The following LYRM2 variants were observed in gnomAD, a reference collection of about 807,000 sequenced individuals.
LYRM2 encodes LYR motif-containing protein 2.
A neutral mutation model predicts 11.6 loss-of-function variants in LYRM2; 8 were observed. That is an observed-to-expected ratio of 0.69 (90% CI 0.40 to 1.24). The LOEUF (loss-of-function observed/expected upper bound fraction) is 1.24, where lower values mean the gene tolerates loss of function less well. Ranked by LOEUF, LYRM2 falls within the 50% of genes most tolerant of loss-of-function variation. The pLI is 0.01. For synonymous variants in LYRM2, 30 were observed against 36.4 expected (o/e 0.83, Z 0.63); for missense variants, 117 against 102.9 (o/e 1.14, Z -0.59).
chr6:89,636,680 G>GCTTTTTTTTTTTTTTTTTTTT lies in LYRM2; in HGVS notation c.*592_*593insAAAAAAAAAAAAAAAAAAAAG, dbSNP rs1275271207. 3 of 129,504 alleles carry GCTTTTTTTTTTTTTTTTTTTT rather than the reference G, an allele frequency of 2.3e-5. No individual in the cohort carries two copies. Among genetic ancestry groups the GCTTTTTTTTTTTTTTTTTTTT allele is most frequent in the Non-Finnish European group, 1.6e-5 (1 of 60,952 alleles). 8.0% of individuals were successfully genotyped at this position (129,504 alleles called of 1,614,324 possible). A position where few individuals can be genotyped will look rare whatever the true frequency, so the allele number is the denominator to read the frequency against. On this transcript the variant is annotated 3_prime_UTR_variant, in exon 3 of 3. Transcript: ENST00000523377. ...TCTAGTGAATGTGAATCTCAGGGTT[G>GCTTTTTTTTTTTTTTTTTTTT]TTTTTTTTTTTTTTTTTTAGAGACT...
rs1807919408 is a variant in LYRM2, at chr6:89,634,430, A to G, written c.*2843T>C. The G allele has an allele frequency of 6.6e-6, 1 of 152,068 alleles. No individual in the cohort carries two copies. The highest frequency in any genetic ancestry group is 1.5e-5 in the Non-Finnish European group (1 of 67,990). The allele number at this position is 152,068 out of a possible 1,614,324, so 9.4% of individuals were successfully genotyped here. A position where few individuals can be genotyped will look rare whatever the true frequency, so the allele number is the denominator to read the frequency against. On this transcript the variant is annotated 3_prime_UTR_variant, in exon 3 of 3. Coordinates refer to ENST00000523377, the MANE Select transcript of LYRM2 (RefSeq NM_020466.5). ...ATGAGGTAAGACTGTCTCTTTAAAA[A>G]AAAAAACAACTCACACCTGTAATCC...
rs1240871918 is a variant in LYRM2 at position 89,635,274 on chromosome 6, A to G, written c.*1999T>C. 6.6e-6 allele frequency: 1 copy of G among 152,228 alleles called. No homozygotes were observed. Among genetic ancestry groups the G allele is most frequent in the Admixed American group, 6.5e-5 (1 of 15,290 alleles). 9.4% of individuals were successfully genotyped at this position (152,228 alleles called of 1,614,324 possible). A position where few individuals can be genotyped will look rare whatever the true frequency, so the allele number is the denominator to read the frequency against. The stretch of plus-strand genomic sequence containing the variant: ...AGCATGTATCTATCAATCATGTCAC[A>G]CAAAAAATATTTCCAAAGTGTTCTC... On this transcript the variant is annotated 3_prime_UTR_variant, in exon 3 of 3. Coordinates refer to ENST00000523377, the MANE Select transcript of LYRM2 (RefSeq NM_020466.5).
At chr6:89,637,495 A>G (rs1354715798) in intron 2 of LYRM2, 142 bp from the exon 3 acceptor site, 2 of 647,428 alleles carry the variant, frequency 3.1e-6, no homozygotes, top group East Asian at 2.8e-5. Context: ...TTCCACATAC[A>G]TACATATAAA....
Position 89,632,932 on chromosome 6 carries a change from A to G in LYRM2, c.*4341T>C, listed in dbSNP as rs1807691141. 6.6e-6 allele frequency: 1 copy of G among 152,194 alleles called. No individual in the cohort carries two copies. Among genetic ancestry groups the G allele is most frequent in the Non-Finnish European group, 1.5e-5 (1 of 68,034 alleles). The allele number at this position is 152,194 out of a possible 1,614,324, so 9.4% of individuals were successfully genotyped here. ...TTCAGTAGGCTGTGTTCCAAGCAGG[A>G]ATTATTTTCACTTACCAAAATATCT... is the stretch of plus-strand genomic sequence containing the variant. On this transcript the variant is annotated 3_prime_UTR_variant, in exon 3 of 3. Coordinates refer to ENST00000523377, the MANE Select transcript of LYRM2 (RefSeq NM_020466.5).
intron 1 of LYRM2, 104 bp downstream of exon 1, chr6:89,638,568 G>A (rs1808087287): frequency 6.3e-7 from 1 of 1,594,384 alleles, no homozygotes; most frequent in African/African-American, 1.3e-5. Context: ...GGGCGCGCAC[G>A]CCGCATCAGG....
Position 89,633,792 on chromosome 6 carries a change from C to T in LYRM2, c.*3481G>A, listed in dbSNP as rs1177508655. 1 of 152,130 alleles carries T rather than the reference C, an allele frequency of 6.6e-6. No individual in the cohort carries two copies. Among genetic ancestry groups the T allele is most frequent in the Non-Finnish European group, 1.5e-5 (1 of 68,028 alleles). The allele number at this position is 152,130 out of a possible 1,614,324, so 9.4% of individuals were successfully genotyped here. On this transcript the variant is annotated 3_prime_UTR_variant, in exon 3 of 3. Transcript: ENST00000523377. The stretch of plus-strand genomic sequence containing the variant: ...GTGTCTCTTCCAAGCATTAAAGATA[C>T]TATGGATCTTAAATTCCTTATTAAA...
Position 89,633,986 on chromosome 6 carries a change from C to T in LYRM2, c.*3287G>A, listed in dbSNP as rs1392154232. On this transcript the variant is annotated 3_prime_UTR_variant, in exon 3 of 3. Coordinates refer to ENST00000523377, the MANE Select transcript of LYRM2 (RefSeq NM_020466.5). ...AAAGTCGCGATCAGGTGCTCTCCAC[C>T]AAAAGCAAAACAAAACTGCTGAAAT... 2 of 152,286 alleles carry T rather than the reference C, an allele frequency of 1.3e-5. No homozygotes were observed. Among genetic ancestry groups the T allele is most frequent in the Non-Finnish European group, 2.9e-5 (2 of 68,030 alleles). The allele number at this position is 152,286 out of a possible 1,614,324, so 9.4% of individuals were successfully genotyped here.
Position 89,635,366 on chromosome 6 carries a change from C to G in LYRM2, c.*1907G>C, listed in dbSNP as rs998052598. The G allele has an allele frequency of 1.9e-4, 29 of 152,236 alleles. No homozygotes were observed. Among genetic ancestry groups the G allele is most frequent in the African/African-American group, 7.0e-4 (29 of 41,458 alleles). The allele number at this position is 152,236 out of a possible 1,614,324, so 9.4% of individuals were successfully genotyped here. A position where few individuals can be genotyped will look rare whatever the true frequency, so the allele number is the denominator to read the frequency against. On this transcript the variant is annotated 3_prime_UTR_variant, in exon 3 of 3. Transcript: ENST00000523377. ...TTGCAACAGGTTAACTAATACTTAT[C>G]TACATAAAAACCTGAAAATTGGCAC... is the stretch of plus-strand genomic sequence containing the variant.
chr6:89,637,460 C>T, intron 2 of LYRM2, 107 bp from the exon 3 acceptor site: 1 of 737,270 alleles, frequency 1.4e-6, no homozygotes, highest in South Asian at 1.9e-5. Context: ...ATTGGAACTG[C>T]TGCCTTTTAG....
At position 89,636,680 on chromosome 6, in the gene LYRM2, GTTTTTT is replaced by G. The variant is rs917848406; in HGVS notation, c.*587_*592del. On this transcript the variant is annotated 3_prime_UTR_variant, in exon 3 of 3. Coordinates refer to ENST00000523377, the MANE Select transcript of LYRM2 (RefSeq NM_020466.5). The stretch of plus-strand genomic sequence containing the variant: ...TCTAGTGAATGTGAATCTCAGGGTT[GTTTTTT>G]TTTTTTTTTTTTAGAGACTGTCTCA... 7.7e-6 allele frequency: 1 copy of G among 129,504 alleles called. No individual in the cohort carries two copies. The highest frequency in any genetic ancestry group is 7.8e-5 in the Admixed American group (1 of 12,874). The allele number at this position is 129,504 out of a possible 1,614,324, so 8.0% of individuals were successfully genotyped here.
rs918808549 is a variant in LYRM2, at chr6:89,632,972, G to A, written c.*4301C>T. 1 of 152,188 alleles carries A rather than the reference G, an allele frequency of 6.6e-6. No homozygotes were observed. The highest frequency in any genetic ancestry group is 2.4e-5 in the African/African-American group (1 of 41,430). 9.4% of individuals were successfully genotyped at this position (152,188 alleles called of 1,614,324 possible). A position where few individuals can be genotyped will look rare whatever the true frequency, so the allele number is the denominator to read the frequency against. ...CCAAAATATCTCCTATTACCTCAAG[G>A]TATCCTTGTTGAGGAATGCTGAAAA... On this transcript the variant is annotated 3_prime_UTR_variant, in exon 3 of 3. Transcript: ENST00000523377.
chr6:89,638,509 G>A, intron 1 of LYRM2, 163 bp downstream of exon 1: 4 of 1,535,344 alleles, frequency 2.6e-6, no homozygotes, highest in Middle Eastern at 1.8e-4. Context: ...CCTCCCGTCA[G>A]GCCCCGCGGA....
chr6:89,638,000 C>A, intron 1 of LYRM2, 118 bp from the exon 2 acceptor site: 3 of 1,117,678 alleles, frequency 2.7e-6, no homozygotes, highest in South Asian at 1.7e-5. Flanking sequence ...TTGAAAAAGG[C>A]AAAGAAAAAC....
rs550542844 is a variant in LYRM2 at position 89,635,978 on chromosome 6, C to T, written c.*1295G>A. The T allele has an allele frequency of 6.0e-4, 102 of 170,276 alleles. No homozygotes were observed. Among genetic ancestry groups the T allele is most frequent in the Middle Eastern group, 1.2e-3 (2 of 1,654 alleles). The allele number at this position is 170,276 out of a possible 1,614,324, so 10.5% of individuals were successfully genotyped here. On this transcript the variant is annotated 3_prime_UTR_variant, in exon 3 of 3. Transcript: ENST00000523377. Reference sequence around the variant, plus strand: ...TCCCTTTTCAACAAAGATCTAGATTCCCAGTGGTGATCTTTTTGATGAGTT... The same window carrying T: ...TCCCTTTTCAACAAAGATCTAGATTTCCAGTGGTGATCTTTTTGATGAGTT...
rs1461734026 is a variant in LYRM2, at chr6:89,633,599, T to C, written c.*3674A>G. ...AAGAAATTGTTAGTGCATTATTGAG[T>C]ATACTAAATATCTGTGATTAAATAA... On this transcript the variant is annotated 3_prime_UTR_variant, in exon 3 of 3. Transcript: ENST00000523377. The C allele has an allele frequency of 1.3e-5, 2 of 152,228 alleles. No homozygotes were observed. Among genetic ancestry groups the C allele is most frequent in the Non-Finnish European group, 2.9e-5 (2 of 68,044 alleles). 9.4% of individuals were successfully genotyped at this position (152,228 alleles called of 1,614,324 possible). A position where few individuals can be genotyped will look rare whatever the true frequency, so the allele number is the denominator to read the frequency against.
chr6:89,633,799 T>C lies in LYRM2; in HGVS notation c.*3474A>G, dbSNP rs1807858032. On this transcript the variant is annotated 3_prime_UTR_variant, in exon 3 of 3. Transcript: ENST00000523377. ...TTCCAAGCATTAAAGATACTATGGATCTTAAATTCCTTATTAAAAAAATGC... is the reference window on the plus strand; with the variant it reads ...TTCCAAGCATTAAAGATACTATGGACCTTAAATTCCTTATTAAAAAAATGC... 1 of 152,244 alleles carries C rather than the reference T, an allele frequency of 6.6e-6. No individual in the cohort carries two copies. Among genetic ancestry groups the C allele is most frequent in the Non-Finnish European group, 1.5e-5 (1 of 68,048 alleles). The allele number at this position is 152,244 out of a possible 1,614,324, so 9.4% of individuals were successfully genotyped here.
rs1025291757 is a variant in LYRM2, at chr6:89,633,714, T to C, written c.*3559A>G. Reference sequence around the variant, plus strand: ...TTGTTTGTGGAGTCAAGTGTTGATATACTTGAGGCATGTTATGTGTCTTCT... The same window carrying C: ...TTGTTTGTGGAGTCAAGTGTTGATACACTTGAGGCATGTTATGTGTCTTCT... On this transcript the variant is annotated 3_prime_UTR_variant, in exon 3 of 3. Transcript: ENST00000523377. 1 of 152,266 alleles carries C rather than the reference T, an allele frequency of 6.6e-6. No individual in the cohort carries two copies. Among genetic ancestry groups the C allele is most frequent in the Non-Finnish European group, 1.5e-5 (1 of 68,044 alleles). 9.4% of individuals were successfully genotyped at this position (152,266 alleles called of 1,614,324 possible).
rs1268995827 is a variant in LYRM2, at chr6:89,633,900, A to C, written c.*3373T>G. 6.6e-6 allele frequency: 1 copy of C among 152,216 alleles called. No homozygotes were observed. The highest frequency in any genetic ancestry group is 1.9e-4 in the East Asian group (1 of 5,198). 9.4% of individuals were successfully genotyped at this position (152,216 alleles called of 1,614,324 possible). A position where few individuals can be genotyped will look rare whatever the true frequency, so the allele number is the denominator to read the frequency against. ...CATTTTATGGCTCCTGAGTGCCTTC[A>C]CCCAGCTACACTTTACCTTGTATCT... On this transcript the variant is annotated 3_prime_UTR_variant, in exon 3 of 3. Transcript: ENST00000523377.
rs539101570 is a variant in LYRM2, at chr6:89,633,211, G to C, written c.*4062C>G. The stretch of plus-strand genomic sequence containing the variant: ...CTCTTGGAGGTCTGTCGTAGAAGAA[G>C]AAACAAATAGAGGTGATGAAGACAC... On this transcript the variant is annotated 3_prime_UTR_variant, in exon 3 of 3. Coordinates refer to ENST00000523377, the MANE Select transcript of LYRM2 (RefSeq NM_020466.5). The C allele has an allele frequency of 6.6e-6, 1 of 152,152 alleles. No homozygotes were observed. The highest frequency in any genetic ancestry group is 1.5e-5 in the Non-Finnish European group (1 of 68,034). 9.4% of individuals were successfully genotyped at this position (152,152 alleles called of 1,614,324 possible).
Sources: gnomAD v4.1 joint callset for allele counts on GRCh38, gnomAD v4.1.1 for gene constraint, MANE v1.5 for transcripts, NCBI Gene and HGNC (gene_info 2026-07-23, HGNC 2026-07-21) for gene names.